ASPA: variants seen among roughly 807,000 people sequenced by gnomAD.
ASPA encodes ACY-2.
ASPA carries 25 observed loss-of-function variants against 29.6 expected under a neutral mutation model. The observed-to-expected ratio is 0.85, with a 90% CI of 0.62 to 1.18. ASPA has a LOEUF of 1.18. Among genes scored for constraint, ASPA ranks in the 50% most tolerant of loss-of-function variants. The pLI is 0.00. For missense variants in ASPA, 333 were observed against 385.7 expected (o/e 0.86, Z 1.14); for synonymous variants, 131 against 130.3 (o/e 1.01, Z -0.04).
intron 5 of ASPA, among the ~76,000 whole-genome samples, chr17:3,496,805 G>A (rs896678295): frequency 5.3e-5 from 8 of 152,204 alleles, no homozygotes; most frequent in Admixed American, 1.3e-4. Context: ...GGTGGCTCAC[G>A]CCTGTAATCC....
intron 4 of ASPA, 102 bp from the exon 5 acceptor site, chr17:3,494,248 C>A: frequency 2.4e-6 from 2 of 837,842 alleles, no homozygotes; most frequent in Non-Finnish European, 4.1e-6. Context: ...AGGTGATCCA[C>A]CCAACTCGGC....
rs1368535697 is a variant in ASPA, at chr17:3,476,151, CT to C, written c.-7del. On this transcript the variant is annotated 5_prime_UTR_variant, in exon 1 of 6. Coordinates refer to ENST00000263080, the MANE Select transcript of ASPA (RefSeq NM_000049.4). ...AATTGCAGAAATCAGATAAAAACTA[CT>C]TGGTGAAATGACTTCTTGTCACATT... is the stretch of plus-strand genomic sequence containing the variant. The C allele has an allele frequency of 1.2e-6, 2 of 1,609,878 alleles. No individual in the cohort carries two copies. The highest frequency in any genetic ancestry group is 2.7e-5 in the African/African-American group (2 of 74,848).
intron 3 of ASPA, among the ~76,000 whole-genome samples, chr17:3,486,460 C>T (rs1001099494): frequency 1.3e-5 from 2 of 152,154 alleles, no homozygotes; most frequent in African/African-American, 2.4e-5. Context: ...AGACATTTCA[C>T]GAGCTGTTTG....
At chr17:3,496,716 C>G (rs777927676) in intron 5 of ASPA, among the ~76,000 whole-genome samples, 2 of 152,226 alleles carry the variant, frequency 1.3e-5, no homozygotes, top group Non-Finnish European at 2.9e-5. Context: ...CCACAAACTA[C>G]TAAAGTAGCG....
chr17:3,483,623 A>G, intron 3 of ASPA, 31 bp downstream of exon 3: 2 of 1,534,024 alleles, frequency 1.3e-6, no homozygotes, highest in Non-Finnish European at 1.8e-6. Context: ...TCATAACTCA[A>G]TAAAATATGT....
chr17:3,490,462 G>T lies in ASPA; in HGVS notation c.634+1120G>T, dbSNP rs2073805299. ...CAGACTGAGTTGAAATTGTTGTTGA[G>T]GAATGGGCAATTATAATAACAGAGG... is the stretch of plus-strand genomic sequence containing the variant. On this transcript the variant is annotated intron_variant, in intron 4 of 5. Transcript: ENST00000263080. This position sits in a 1 kb window ranked among gnomAD's most constrained non-coding sequence, Gnocchi z 4.6. Among the ~76,000 whole-genome samples the T allele has an allele frequency of 1.3e-5, 2 of 152,176 alleles. No homozygotes were observed. The highest frequency in any genetic ancestry group is 4.1e-4 in the South Asian group (2 of 4,830).
intron 1 of ASPA, among the ~76,000 whole-genome samples, chr17:3,476,929 G>A (rs1416074246): frequency 6.6e-6 from 1 of 152,178 alleles, no homozygotes; most frequent in African/African-American, 2.4e-5. Flanking sequence ...GCCGAGGCAG[G>A]CGGATCACGA....
Position 3,476,437 on chromosome 17 carries a change from G to T in ASPA, c.236+42G>T, listed in dbSNP as rs760232798. The T allele has an allele frequency of 5.1e-6, 8 of 1,579,418 alleles. No individual in the cohort carries two copies. In the East Asian group the frequency reaches 1.6e-4, roughly 31 times the overall value. The stretch of plus-strand genomic sequence containing the variant: ...TATTGTATATGTATGTATGTTGTGT[G>T]AAAAGTGGTAGGTGTGTGAAAGAGA... On this transcript the variant is annotated intron_variant, in intron 1 of 5. Coordinates refer to ENST00000263080, the MANE Select transcript of ASPA (RefSeq NM_000049.4).
At chr17:3,482,302 C>T (rs2073644540) in intron 2 of ASPA, among the ~76,000 whole-genome samples, 2 of 152,152 alleles carry the variant, frequency 1.3e-5, no homozygotes, top group African/African-American at 2.4e-5. Flanking sequence ...GTCCTGCCCT[C>T]GTCCCCATTT....
chr17:3,483,179 G>A (rs1162603335), intron 2 of ASPA, among the ~76,000 whole-genome samples: 1 of 151,890 alleles, frequency 6.6e-6, no homozygotes, highest in Non-Finnish European at 1.5e-5. Context: ...TGTAACCAGT[G>A]ATGAAACAAA....
chr17:3,481,482 C>T, intron 1 of ASPA, 121 bp from the exon 2 acceptor site: 1 of 891,356 alleles, frequency 1.1e-6, no homozygotes, highest in Non-Finnish European at 1.7e-6. Context: ...TTTTTACTTA[C>T]CACACAGATT....
intron 2 of ASPA, 145 bp from the exon 3 acceptor site, chr17:3,483,353 AT>A (rs751569040): frequency 6.1e-5 from 43 of 707,938 alleles, no homozygotes; most frequent in Non-Finnish European, 1.0e-4. Flanking sequence ...CTATAATACC[AT>A]TGGGTTTTAA....
chr17:3,482,897 G>A (rs941196821), intron 2 of ASPA, among the ~76,000 whole-genome samples: 1 of 149,082 alleles, frequency 6.7e-6, no homozygotes, highest in Admixed American at 6.7e-5. Flanking sequence ...CCATTAACTC[G>A]TCATTTAGCA....
At chr17:3,489,774 T>C (rs923375) in intron 4 of ASPA, among the ~76,000 whole-genome samples, 35,556 of 151,964 alleles carry the variant, frequency 0.23, 5,101 homozygotes, top group African/African-American at 0.41. Context: ...AGTGAACATA[T>C]AAGTTGGTAA....
At chr17:3,482,914 A>T (rs990008092) in intron 2 of ASPA, among the ~76,000 whole-genome samples, 9 of 147,976 alleles carry the variant, frequency 6.1e-5, no homozygotes, top group African/African-American at 2.2e-4. Context: ...AGCATTAGGT[A>T]TATCTCCTAA....
At position 3,498,956 on chromosome 17, in the gene ASPA, C is replaced by A; in HGVS notation, c.810C>A (p.Ile270=). ...TTTTAACTCTTGATGGGAAGACGATCCCACTGGGCGGAGACTGTACCGTGT... is the reference window on the plus strand; with the variant it reads ...TTTTAACTCTTGATGGGAAGACGATACCACTGGGCGGAGACTGTACCGTGT... The part of the protein sequence containing the change: ...PMFLTLDGKT[I]PLGGDCTVYP... Residue 270 remains isoleucine, a synonymous_variant, in exon 6 of 6, where the codon ATC becomes ATA. Coordinates refer to ENST00000263080, the MANE Select transcript of ASPA (RefSeq NM_000049.4). The A allele has an allele frequency of 2.5e-6, 4 of 1,613,110 alleles. No homozygotes were observed. Among genetic ancestry groups the A allele is most frequent in the Non-Finnish European group, 2.5e-6 (3 of 1,179,462 alleles).
intron 4 of ASPA, among the ~76,000 whole-genome samples, chr17:3,492,359 T>C (rs1451435072): frequency 6.6e-6 from 1 of 152,232 alleles, no homozygotes; most frequent in Non-Finnish European, 1.5e-5. Context: ...CATACTCCTT[T>C]GTGTTCTATC....
chr17:3,482,960 C>A (rs2073659104), intron 2 of ASPA, among the ~76,000 whole-genome samples: 1 of 124,312 alleles, frequency 8.0e-6, no homozygotes, highest in Non-Finnish European at 1.6e-5. Context: ...CCCAATTCTT[C>A]ATTGCCTATT....
chr17:3,483,854 A>G (rs2073675923), intron 3 of ASPA, among the ~76,000 whole-genome samples: 1 of 151,748 alleles, frequency 6.6e-6, no homozygotes, highest in South Asian at 2.1e-4. Flanking sequence ...ACGGAGTTTC[A>G]CCATGTTAGC....
Sources: gnomAD v4.1 joint callset for allele counts (sites outside exome capture counted in the v4.1 genomes callset) on GRCh38, gnomAD v4.1.1 for gene constraint, Gnocchi (gnomAD v3.1) non-coding constraint, MANE v1.5 for transcripts, NCBI Gene and HGNC (gene_info 2026-07-23, HGNC 2026-07-21) for gene names.